The following STX8 variants were observed in gnomAD, a reference collection of about 807,000 sequenced individuals.
STX8 encodes the protein syntaxin 8, also known as syntaxin-8.
Under a neutral mutation model 37.5 loss-of-function variants are expected in STX8, and 23 were observed. The ratio of observed to expected loss-of-function variants is 0.61; its 90% CI spans 0.44 to 0.87. STX8 has a LOEUF of 0.87. Ranked by LOEUF, STX8 falls within the 40% of genes least tolerant of loss-of-function variation. The pLI is 0.00. For synonymous variants in STX8, 115 were observed against 99.1 expected (o/e 1.16, Z -0.95); for missense variants, 313 against 284.7 (o/e 1.10, Z -0.71).
intron 7 of STX8, among the ~76,000 whole-genome samples, chr17:9,359,200 G>A (rs1172609827): frequency 2.0e-5 from 3 of 151,912 alleles, no homozygotes; most frequent in African/African-American, 7.3e-5. Flanking sequence ...CTGCCACCAC[G>A]CCTGGCTAAT....
chr17:9,438,192 G>A (rs1427191177), intron 6 of STX8, among the ~76,000 whole-genome samples: 1 of 144,838 alleles, frequency 6.9e-6, no homozygotes, highest in Non-Finnish European at 1.5e-5. Context: ...GCAGTGAGCC[G>A]AGATTGTGCC....
intron 7 of STX8, among the ~76,000 whole-genome samples, chr17:9,268,966 T>C (rs1421636659): frequency 2.0e-5 from 3 of 152,056 alleles, no homozygotes; most frequent in Non-Finnish European, 4.4e-5. Flanking sequence ...GGCGGGCGGA[T>C]CATGAAGTCA....
At chr17:9,572,847 AATG>A (rs1430623207) in intron 1 of STX8, among the ~76,000 whole-genome samples, 4 of 152,264 alleles carry the variant, frequency 2.6e-5, no homozygotes, top group Middle Eastern at 3.4e-3. Flanking sequence ...TCATCAAACT[AATG>A]AAGTATAACA....
chr17:9,291,935 ATT>A (rs959532304), intron 7 of STX8, among the ~76,000 whole-genome samples: 1 of 152,190 alleles, frequency 6.6e-6, no homozygotes, highest in African/African-American at 2.4e-5. Context: ...TTTTGTGTAT[ATT>A]TTGGTGTTGT....
chr17:9,460,987 T>TTC (rs1555529288), intron 6 of STX8, among the ~76,000 whole-genome samples: 4 of 150,970 alleles, frequency 2.6e-5, no homozygotes, highest in South Asian at 2.1e-4. Context: ...TTTTTTTTTT[T>TTC]CCCTGTGAGT....
intron 4 of STX8, among the ~76,000 whole-genome samples, chr17:9,511,832 G>A (rs1462136721): frequency 6.6e-6 from 1 of 151,850 alleles, no homozygotes; most frequent in Non-Finnish European, 1.5e-5. Flanking sequence ...CTTATAGAGA[G>A]AAAAGCCTAA....
intron 7 of STX8, among the ~76,000 whole-genome samples, chr17:9,367,156 G>C (rs1430474679): frequency 6.7e-6 from 1 of 150,110 alleles, no homozygotes; most frequent in Non-Finnish European, 1.5e-5. Context: ...GGACAATGTG[G>C]GTTTTTGTTT....
intron 6 of STX8, among the ~76,000 whole-genome samples, chr17:9,444,798 G>A (rs1904781702): frequency 6.6e-6 from 1 of 152,120 alleles, no homozygotes; most frequent in Non-Finnish European, 1.5e-5. Flanking sequence ...TTGTTCAATA[G>A]CTGGTTGTGC....
At chr17:9,524,072 T>C (rs1247331569) in intron 4 of STX8, among the ~76,000 whole-genome samples, 1 of 152,242 alleles carries the variant, frequency 6.6e-6, no homozygotes, top group African/African-American at 2.4e-5. Flanking sequence ...CTTTTCCCTC[T>C]GGAATGTGTA....
intron 7 of STX8, among the ~76,000 whole-genome samples, chr17:9,288,530 CA>C (rs908216481): frequency 3.9e-5 from 6 of 151,976 alleles, no homozygotes; most frequent in African/African-American, 1.4e-4. Context: ...GGCGTGGTGG[CA>C]GGCGCCTGTA....
intron 7 of STX8, among the ~76,000 whole-genome samples, chr17:9,276,620 A>C (rs531317278): frequency 6.8e-6 from 1 of 147,280 alleles, no homozygotes; most frequent in Non-Finnish European, 1.5e-5. Context: ...TTGTTTGTTT[A>C]TTTGTTTGTT....
chr17:9,401,332 C>T (rs1912612166), intron 6 of STX8, among the ~76,000 whole-genome samples: 2 of 152,040 alleles, frequency 1.3e-5, no homozygotes, highest in African/African-American at 2.4e-5. Flanking sequence ...TGTTTTCAGT[C>T]GATTTCATAT....
At chr17:9,433,289 C>A (rs527291782) in intron 6 of STX8, among the ~76,000 whole-genome samples, 1 of 152,314 alleles carries the variant, frequency 6.6e-6, no homozygotes, top group South Asian at 2.1e-4. Flanking sequence ...AACCAAATAA[C>A]CCAAGTCTTT....
intron 7 of STX8, among the ~76,000 whole-genome samples, chr17:9,316,982 T>C (rs887078299): frequency 6.6e-6 from 1 of 152,186 alleles, no homozygotes; most frequent in Non-Finnish European, 1.5e-5. Flanking sequence ...GAGAGTGGAA[T>C]AGGAAAAGAC....
At chr17:9,568,262 T>A (rs888631295) in intron 2 of STX8, 109 bp downstream of exon 2, 1 of 736,332 alleles carries the variant, frequency 1.4e-6, no homozygotes, top group Non-Finnish European at 2.2e-6. Context: ...TGTAAGCAGA[T>A]AGATCATCAT....
At chr17:9,376,337 G>A (rs751116743) in intron 7 of STX8, among the ~76,000 whole-genome samples, 9 of 152,104 alleles carry the variant, frequency 5.9e-5, no homozygotes, top group Non-Finnish European at 1.0e-4. Context: ...CAACCAGCAC[G>A]CTGTAAAAAT....
intron 2 of STX8, among the ~76,000 whole-genome samples, chr17:9,559,214 A>C (rs185708042): frequency 1.2e-3 from 181 of 152,298 alleles, no homozygotes; most frequent in African/African-American, 4.3e-3. Context: ...TCTAGAGCAC[A>C]AAAAAAGATG....
chr17:9,541,654 G>A (rs1906282824), intron 4 of STX8, among the ~76,000 whole-genome samples: 1 of 152,080 alleles, frequency 6.6e-6, no homozygotes, highest in African/African-American at 2.4e-5. Flanking sequence ...ACCTCATCCA[G>A]CTCTTTTTAT....
intron 7 of STX8, among the ~76,000 whole-genome samples, chr17:9,329,305 G>A (rs1356246347): frequency 6.6e-6 from 1 of 152,130 alleles, no homozygotes; most frequent in East Asian, 1.9e-4. Flanking sequence ...TCAATCAATG[G>A]CAACAATATT....
Sources: gnomAD v4.1 joint callset for allele counts (sites outside exome capture counted in the v4.1 genomes callset) on GRCh38, gnomAD v4.1.1 for gene constraint, MANE v1.5 for transcripts, NCBI Gene and HGNC (gene_info 2026-07-23, HGNC 2026-07-21) for gene names.